STK4: variants seen among roughly 807,000 people sequenced by gnomAD.
STK4 encodes serine/threonine kinase 4.
STK4 carries 30 observed loss-of-function variants against 64.9 expected under a neutral mutation model. The observed-to-expected ratio is 0.46, with a 90% CI of 0.35 to 0.63. The LOEUF (loss-of-function observed/expected upper bound fraction) is 0.63, where lower values mean the gene tolerates loss of function less well. Among genes scored for constraint, STK4 ranks in the 20% least tolerant of loss-of-function variants. The pLI, the probability that STK4 is intolerant of heterozygous loss-of-function variation, is 0.01. For synonymous variants in STK4, 177 were observed against 199.0 expected (o/e 0.89, Z 0.93); for missense variants, 466 against 598.5 (o/e 0.78, Z 2.31).
intron 10 of STK4, among the ~76,000 whole-genome samples, chr20:45,051,090 C>T (rs1040446560): frequency 2.1e-4 from 32 of 152,052 alleles, no homozygotes; most frequent in African/African-American, 9.7e-5. Flanking sequence ...TAATGTTTTT[C>T]GGCTTTTAAA....
At chr20:45,010,024 T>G (rs998957304) in intron 9 of STK4, among the ~76,000 whole-genome samples, 22 of 152,150 alleles carry the variant, frequency 1.4e-4, no homozygotes, top group Non-Finnish European at 2.4e-4. Context: ...TTTATTTCTT[T>G]CTTTTGCCTG....
At chr20:44,976,813 A>C (rs2067346845) in intron 2 of STK4, among the ~76,000 whole-genome samples, 1 of 152,196 alleles carries the variant, frequency 6.6e-6, no homozygotes, top group African/African-American at 2.4e-5. Context: ...CAATGGTTTG[A>C]CATCTGGGTA....
At chr20:45,062,052 G>A (rs1321457481) in intron 10 of STK4, among the ~76,000 whole-genome samples, 1 of 151,692 alleles carries the variant, frequency 6.6e-6, no homozygotes, top group African/African-American at 2.4e-5. Context: ...GCTAATTTTT[G>A]TATTTTTAGT....
intron 10 of STK4, among the ~76,000 whole-genome samples, chr20:45,051,760 A>T (rs2068780557): frequency 6.6e-6 from 1 of 152,196 alleles, no homozygotes; most frequent in Admixed American, 6.5e-5. Flanking sequence ...ATTGAGGCTT[A>T]TGTTTAGGTC....
chr20:45,033,867 A>G (rs1600511512), intron 10 of STK4, among the ~76,000 whole-genome samples: 1 of 152,202 alleles, frequency 6.6e-6, no homozygotes, highest in African/African-American at 2.4e-5. Flanking sequence ...GGTGTGAGCC[A>G]CCATGCCCAG....
At chr20:45,027,557 A>G (rs963469027) in intron 10 of STK4, among the ~76,000 whole-genome samples, 1 of 152,130 alleles carries the variant, frequency 6.6e-6, no homozygotes, top group Non-Finnish European at 1.5e-5. Context: ...CCTGTTCATA[A>G]TGTGTAGTGA....
intron 10 of STK4, among the ~76,000 whole-genome samples, chr20:45,049,652 G>T (rs1292872532): frequency 6.6e-6 from 1 of 152,208 alleles, no homozygotes; most frequent in Non-Finnish European, 1.5e-5. Context: ...TTGCTAAACG[G>T]ATGTTTAACA....
intron 10 of STK4, among the ~76,000 whole-genome samples, chr20:45,065,786 CTTA>C (rs926701507): frequency 6.6e-6 from 1 of 151,664 alleles, no homozygotes; most frequent in Non-Finnish European, 1.5e-5. Context: ...GTCCATCTAT[CTTA>C]TTATTTATTT....
chr20:45,039,272 C>T (rs2068575496), intron 10 of STK4, among the ~76,000 whole-genome samples: 1 of 152,036 alleles, frequency 6.6e-6, no homozygotes, highest in Admixed American at 6.6e-5. Flanking sequence ...TTGGTTCATT[C>T]AGTTACATGG....
intron 10 of STK4, among the ~76,000 whole-genome samples, chr20:45,048,002 A>T (rs893300727): frequency 6.6e-6 from 1 of 152,210 alleles, no homozygotes; most frequent in Non-Finnish European, 1.5e-5. Flanking sequence ...CGTCTCTCTC[A>T]TAGGGATCAT....
chr20:45,042,784 G>C (rs965912716), intron 10 of STK4, among the ~76,000 whole-genome samples: 2 of 151,948 alleles, frequency 1.3e-5, no homozygotes, highest in African/African-American at 4.8e-5. Context: ...CAGGGTATTG[G>C]TTGTTCGATA....
In STK4 at chr20:45,076,921, A is replaced by G. The variant is rs151189831; in HGVS notation, c.*1745A>G. On this transcript the variant is annotated 3_prime_UTR_variant, in exon 11 of 11. Coordinates refer to ENST00000372806, the MANE Select transcript of STK4 (RefSeq NM_006282.5). The surrounding 1 kb of genome is among the most constrained non-coding windows in gnomAD (Gnocchi z 4.0). ...TCAGGGCTTGGCAACTGAAATAGCT[A>G]TGTGGCGGATACGGAAAACAGAGGA... The G allele has an allele frequency of 2.6e-5, 4 of 152,360 alleles. No individual in the cohort carries two copies. Among genetic ancestry groups the G allele is most frequent in the African/African-American group, 9.6e-5 (4 of 41,586 alleles). The allele number at this position is 152,360 out of a possible 1,614,324, so 9.4% of individuals were successfully genotyped here.
chr20:45,056,042 C>G (rs115340312), intron 10 of STK4, among the ~76,000 whole-genome samples: 4,276 of 152,258 alleles, frequency 0.028, 184 homozygotes, highest in African/African-American at 0.092. Context: ...AATTATCTTT[C>G]TTTTCTAACA....
intron 5 of STK4, 63 bp from the exon 6 acceptor site, chr20:44,995,027 T>G: frequency 1.7e-6 from 2 of 1,209,988 alleles, no homozygotes; most frequent in Non-Finnish European, 1.1e-6. Context: ...CTCTGTAGAC[T>G]TCCTCTGTGG....
intron 9 of STK4, among the ~76,000 whole-genome samples, chr20:45,019,804 C>G (rs535024407): frequency 1.1e-4 from 17 of 152,236 alleles, no homozygotes; most frequent in Non-Finnish European, 2.2e-4. Context: ...AAACAAAAAA[C>G]CCACAAGCTA....
At chr20:45,012,948 ATTTTTTT>A (rs60788017) in intron 9 of STK4, among the ~76,000 whole-genome samples, 52 of 51,184 alleles carry the variant, frequency 1.0e-3, no homozygotes, top group Middle Eastern at 0.022. Flanking sequence ...CACACCTGTG[ATTTTTTT>A]TTTTTTTTTT....
At chr20:45,024,642 G>A (rs904937683) in intron 9 of STK4, among the ~76,000 whole-genome samples, 2 of 152,156 alleles carry the variant, frequency 1.3e-5, no homozygotes, top group South Asian at 2.1e-4. Context: ...TATTATAGGA[G>A]CTGTTTGCTA....
At chr20:45,045,436 GAAAACA>G in intron 10 of STK4, among the ~76,000 whole-genome samples, 1 of 152,150 alleles carries the variant, frequency 6.6e-6, no homozygotes, top group East Asian at 1.9e-4. Context: ...TTTCTCACAT[GAAAACA>G]AAAACAAAAA....
chr20:45,000,667 A>G lies in STK4; in HGVS notation c.960+147A>G, dbSNP rs1042511449. The G allele has an allele frequency of 6.9e-6, 8 of 1,158,224 alleles. No individual in the cohort carries two copies. In the African/African-American group the frequency reaches 1.2e-4, roughly 18 times the overall value. The allele number at this position is 1,158,224 out of a possible 1,614,324, so 71.7% of individuals were successfully genotyped here. A position where few individuals can be genotyped will look rare whatever the true frequency, so the allele number is the denominator to read the frequency against. On this transcript the variant is annotated intron_variant, in intron 8 of 10. Transcript: ENST00000372806. The stretch of plus-strand genomic sequence containing the variant: ...ACTATGTCCTAACCTGGATCAACGC[A>G]TGCTAGAGGGTTGTTGTATCTGTGC...
Sources: gnomAD v4.1 joint callset for allele counts (sites outside exome capture counted in the v4.1 genomes callset) on GRCh38, gnomAD v4.1.1 for gene constraint, Gnocchi (gnomAD v3.1) non-coding constraint, MANE v1.5 for transcripts, NCBI Gene and HGNC (gene_info 2026-07-23, HGNC 2026-07-21) for gene names.